The following KPNA7 variants were observed in gnomAD, a reference collection of about 807,000 sequenced individuals.
The protein encoded by KPNA7 is karyopherin subunit alpha 7, also known as importin subunit alpha-8.
Under a neutral mutation model 53.7 loss-of-function variants are expected in KPNA7, and 54 were observed. That is an observed-to-expected ratio of 1.01 (90% confidence interval 0.81 to 1.26). KPNA7 has a LOEUF of 1.26. KPNA7 is among the 50% of genes most tolerant of loss of function. The pLI is 0.00. For missense variants in KPNA7, 640 were observed against 644.5 expected (o/e 0.99, Z 0.07); for synonymous variants, 276 against 259.3 (o/e 1.06, Z -0.62).
intron 1 of KPNA7, among the ~76,000 whole-genome samples, chr7:99,217,318 C>T (rs1791240379): frequency 6.6e-6 from 1 of 152,166 alleles, no homozygotes; most frequent in Non-Finnish European, 1.5e-5. Context: ...TCATCTGTAC[C>T]TTGGACATCA....
intron 1 of KPNA7, among the ~76,000 whole-genome samples, chr7:99,217,428 C>T (rs1791242522): frequency 6.6e-6 from 1 of 152,096 alleles, no homozygotes; most frequent in African/African-American, 2.4e-5. Context: ...GCTAGCGAGT[C>T]AATGAGACTT....
the KPNA7 span, among the ~76,000 whole-genome samples, chr7:99,160,261 C>T: frequency 2.6e-5 from 4 of 151,964 alleles, no homozygotes; most frequent in Non-Finnish European, 5.9e-5. Context: ...CTCCTGACCT[C>T]GTGATCCGCC....
At chr7:99,215,975 TAA>T (rs77323325) in intron 1 of KPNA7, among the ~76,000 whole-genome samples, 29 of 133,640 alleles carry the variant, frequency 2.2e-4, no homozygotes, top group Admixed American at 2.3e-4. Flanking sequence ...CTTCTCTAAT[TAA>T]AAAAAAAAAA....
the KPNA7 span, among the ~76,000 whole-genome samples, chr7:99,159,348 CAAAAAAAAAAAA>C: frequency 1.7e-5 from 1 of 58,164 alleles, no homozygotes; most frequent in Non-Finnish European, 3.4e-5. Context: ...GACACTGTCT[CAAAAAAAAAAAA>C]AAAAAAAAAA....
chr7:99,165,769 T>A, the KPNA7 span, among the ~76,000 whole-genome samples: 1 of 152,212 alleles, frequency 6.6e-6, no homozygotes, highest in Non-Finnish European at 1.5e-5. Context: ...TCTTGCTATG[T>A]TGTCCAGGCT....
chr7:99,184,867 G>GAGTTCAACC, intron 8 of KPNA7, 62 bp downstream of exon 8: 1 of 1,344,500 alleles, frequency 7.4e-7, no homozygotes, highest in Non-Finnish European at 1.0e-6. Flanking sequence ...ATTCCTGAAG[G>GAGTTCAACC]AGTTCAACCC....
intron 8 of KPNA7, 65 bp from the exon 9 acceptor site, chr7:99,182,130 T>C (rs1768055328): frequency 7.8e-7 from 1 of 1,281,636 alleles, no homozygotes; most frequent in South Asian, 1.6e-5. Context: ...GACACCAACT[T>C]GGTTCACTTT....
intron 6 of KPNA7, among the ~76,000 whole-genome samples, chr7:99,190,617 C>G (rs1584288068): frequency 6.6e-6 from 1 of 151,118 alleles, no homozygotes; most frequent in East Asian, 1.9e-4. Context: ...GTAGACCAGA[C>G]AGTATGTAAA....
At chr7:99,175,848 C>A (rs1015430170) in intron 10 of KPNA7, among the ~76,000 whole-genome samples, 5 of 151,998 alleles carry the variant, frequency 3.3e-5, no homozygotes, top group African/African-American at 1.2e-4. Flanking sequence ...AGACTAACTG[C>A]CCCAGCTAAC....
intron 9 of KPNA7, 150 bp downstream of exon 9, chr7:99,181,733 T>C (rs1245045192): frequency 3.2e-6 from 2 of 627,020 alleles, no homozygotes; most frequent in Non-Finnish European, 5.3e-6. Flanking sequence ...GGTTTCACTA[T>C]GTTGGCCAGG....
intron 3 of KPNA7, among the ~76,000 whole-genome samples, chr7:99,197,996 A>G (rs1238028331): frequency 6.6e-6 from 1 of 152,240 alleles, no homozygotes; most frequent in Non-Finnish European, 1.5e-5. Flanking sequence ...CTCCAAACGG[A>G]ATAAATCCCA....
At chr7:99,164,932 G>A in the KPNA7 span, among the ~76,000 whole-genome samples, 1 of 151,316 alleles carries the variant, frequency 6.6e-6, no homozygotes, top group South Asian at 2.1e-4. Context: ...AACCCCGTCT[G>A]CTAAAAATAC....
chr7:99,191,156 T>C (rs1260394355), intron 6 of KPNA7, among the ~76,000 whole-genome samples: 1 of 82,600 alleles, frequency 1.2e-5, no homozygotes, highest in Non-Finnish European at 2.3e-5. Context: ...CCCTCTGCTA[T>C]ACAATTTTTT....
chr7:99,146,889 A>G, the KPNA7 span, among the ~76,000 whole-genome samples: 34 of 152,280 alleles, frequency 2.2e-4, no homozygotes, highest in Non-Finnish European at 4.7e-4. Flanking sequence ...CGATAAAGTT[A>G]TTATAAAGAA....
chr7:99,205,084 T>C (rs1384624623), intron 2 of KPNA7, among the ~76,000 whole-genome samples: 2 of 152,074 alleles, frequency 1.3e-5, no homozygotes, highest in Admixed American at 6.6e-5. Flanking sequence ...TCAGTGGTCC[T>C]AGAAGCCGGA....
chr7:99,217,391 T>C (rs1441492017), intron 1 of KPNA7, among the ~76,000 whole-genome samples: 1 of 152,170 alleles, frequency 6.6e-6, no homozygotes, highest in Non-Finnish European at 1.5e-5. Flanking sequence ...AGGGTTTGTT[T>C]AAGCTAAAAA....
the KPNA7 span, among the ~76,000 whole-genome samples, chr7:99,151,208 C>A: frequency 6.6e-6 from 1 of 152,084 alleles, no homozygotes; most frequent in Non-Finnish European, 1.5e-5. Context: ...TGCTGATAGC[C>A]AACACCGTCT....
chr7:99,196,736 C>T (rs1790248659), intron 3 of KPNA7, among the ~76,000 whole-genome samples: 1 of 151,998 alleles, frequency 6.6e-6, no homozygotes, highest in South Asian at 2.1e-4. Flanking sequence ...AGCCTCCCAA[C>T]CACCAGAAGA....
At chr7:99,161,268 T>TCTCTCC in the KPNA7 span, among the ~76,000 whole-genome samples, 4 of 123,094 alleles carry the variant, frequency 3.2e-5, no homozygotes, top group African/African-American at 9.4e-5. Flanking sequence ...TCTCTCTCTC[T>TCTCTCC]CTGATCACTT....
Sources: allele counts gnomAD v4.1 joint callset (sites outside exome capture counted in the v4.1 genomes callset), GRCh38; gene constraint gnomAD v4.1.1; transcripts MANE v1.5; gene names NCBI Gene and HGNC (gene_info 2026-07-23, HGNC 2026-07-21).